The following HIP1 variants were observed in gnomAD, a reference collection of about 807,000 sequenced individuals.
HIP1 encodes huntingtin-interacting protein 1.
HIP1 carries 65 observed loss-of-function variants against 147.6 expected under a neutral mutation model. That is an observed-to-expected ratio of 0.44 (90% CI 0.36 to 0.54). The LOEUF (loss-of-function observed/expected upper bound fraction) is 0.54, where lower values mean the gene tolerates loss of function less well. Among genes scored for constraint, HIP1 ranks in the 20% least tolerant of loss-of-function variants. The probability of loss-of-function intolerance (pLI) is 0.00; values close to 1 mark genes in which losing one functional copy is unlikely to be tolerated. For synonymous variants in HIP1, 479 were observed against 504.0 expected, an observed-to-expected ratio of 0.95 and a Z score of 0.67; for missense variants, 1,061 against 1,299.6, an observed-to-expected ratio of 0.82 and a Z score of 2.82.
intron 1 of HIP1, among the ~76,000 whole-genome samples, chr7:75,683,051 C>T (rs556435384): frequency 1.8e-4 from 27 of 151,944 alleles, no homozygotes; most frequent in African/African-American, 5.5e-4. Flanking sequence ...GGTGCGATCT[C>T]GGCTCACTGC....
intron 1 of HIP1, among the ~76,000 whole-genome samples, chr7:75,621,254 G>C (rs1167177728): frequency 4.6e-5 from 7 of 151,988 alleles, no homozygotes; most frequent in African/African-American, 1.4e-4. Context: ...CACACCTGGG[G>C]GAAGAGTTCT....
intron 1 of HIP1, among the ~76,000 whole-genome samples, chr7:75,610,520 C>CT (rs1296389752): frequency 6.6e-6 from 1 of 151,266 alleles, no homozygotes; most frequent in Admixed American, 6.6e-5. Context: ...TTTTTTTTCT[C>CT]TTTTTTTGAA....
At chr7:75,612,232 C>T (rs1252518926) in intron 1 of HIP1, among the ~76,000 whole-genome samples, 4 of 152,138 alleles carry the variant, frequency 2.6e-5, no homozygotes, top group South Asian at 2.1e-4. Context: ...CAGAGGAGGC[C>T]GGGCACGGTG....
chr7:75,688,801 C>T (rs897542884), intron 1 of HIP1, among the ~76,000 whole-genome samples: 1 of 152,168 alleles, frequency 6.6e-6, no homozygotes, highest in Non-Finnish European at 1.5e-5. Context: ...AGAGTGGCCC[C>T]GTGGCCCCGG....
chr7:75,611,672 AG>A (rs1185834773), intron 1 of HIP1: 8 of 1,023,466 alleles, frequency 7.8e-6, no homozygotes, highest in Non-Finnish European at 9.4e-6. Flanking sequence ...TCACCTCTGG[AG>A]GGGGCTCTGG....
At chr7:75,557,141 A>C (rs926112100) in intron 16 of HIP1, among the ~76,000 whole-genome samples, 5 of 151,742 alleles carry the variant, frequency 3.3e-5, no homozygotes, top group Non-Finnish European at 7.4e-5. Context: ...AAGGTTCAAG[A>C]GATTCTTGTG....
At chr7:75,582,009 T>G (rs1796072386) in intron 6 of HIP1, 66 bp downstream of exon 6, 1 of 1,348,984 alleles carries the variant, frequency 7.4e-7, no homozygotes, top group African/African-American at 1.4e-5. Context: ...TCCATGACCC[T>G]TATGAGAAGT....
chr7:75,703,380 A>G (rs1800894201), intron 1 of HIP1, among the ~76,000 whole-genome samples: 1 of 152,142 alleles, frequency 6.6e-6, no homozygotes, highest in Non-Finnish European at 1.5e-5. Flanking sequence ...GCGGTGGTTC[A>G]TGCCTGTAAT....
At chr7:75,697,563 A>G (rs1232601144) in intron 1 of HIP1, among the ~76,000 whole-genome samples, 4 of 152,238 alleles carry the variant, frequency 2.6e-5, no homozygotes, top group African/African-American at 7.2e-5. Flanking sequence ...TAAAAGTTCC[A>G]AAATGTTGGG....
At chr7:75,673,812 T>G (rs1279077201) in intron 1 of HIP1, among the ~76,000 whole-genome samples, 1 of 72,376 alleles carries the variant, frequency 1.4e-5, no homozygotes, top group Non-Finnish European at 2.7e-5. Flanking sequence ...AGCAAAGCCC[T>G]ATCTCTACAA....
At chr7:75,691,319 GTC>G (rs1389128893) in intron 1 of HIP1, among the ~76,000 whole-genome samples, 5 of 150,104 alleles carry the variant, frequency 3.3e-5, no homozygotes, top group African/African-American at 9.8e-5. Context: ...TGAAACCCCT[GTC>G]TCTACTAAAA....
chr7:75,581,119 G>T, intron 7 of HIP1, 118 bp downstream of exon 7: 1 of 721,288 alleles, frequency 1.4e-6, no homozygotes, highest in Non-Finnish European at 2.4e-6. Flanking sequence ...GACCAGAGAT[G>T]GGGTGTGAAT....
At chr7:75,725,682 G>T (rs1348477847) in intron 1 of HIP1, among the ~76,000 whole-genome samples, 1 of 152,098 alleles carries the variant, frequency 6.6e-6, no homozygotes, top group Non-Finnish European at 1.5e-5. Context: ...ATTTTCATGG[G>T]TGTATAGTAT....
At position 75,643,998 on chromosome 7, in the gene HIP1, T is replaced by TCAAA. The variant is rs375114374; in HGVS notation, c.121-44755_121-44752dup. Among the ~76,000 whole-genome samples, 1,076 of 152,066 alleles carry TCAAA rather than the reference T, an allele frequency of 7.1e-3. 12 individuals carry two copies. The highest frequency in any genetic ancestry group is 0.023 in the African/African-American group (965 of 41,458). ...CTGGGTAACAAAGTAAGACTCTGTC[T>TCAAA]CAAACAAACAAACAAACAAACAAAA... On this transcript the variant is annotated intron_variant, in intron 1 of 30. Transcript: ENST00000336926.
intron 1 of HIP1, among the ~76,000 whole-genome samples, chr7:75,650,422 C>G (rs554934392): frequency 4.0e-5 from 6 of 149,836 alleles, no homozygotes; most frequent in Non-Finnish European, 8.9e-5. Flanking sequence ...CGCTGGAGGA[C>G]AAGTCCAGGG....
At chr7:75,583,188 T>C (rs1294436531) in intron 5 of HIP1, among the ~76,000 whole-genome samples, 1 of 152,060 alleles carries the variant, frequency 6.6e-6, no homozygotes, top group Non-Finnish European at 1.5e-5. Context: ...CTGCCTTTGC[T>C]TCCTGGCTCA....
At chr7:75,574,523 A>G (rs1001068128) in intron 7 of HIP1, among the ~76,000 whole-genome samples, 1 of 148,898 alleles carries the variant, frequency 6.7e-6, no homozygotes, top group African/African-American at 2.5e-5. Context: ...CAGGAGGCAG[A>G]GGTTGCAGTG....
chr7:75,623,282 G>A (rs1398658779), intron 1 of HIP1, among the ~76,000 whole-genome samples: 1 of 151,912 alleles, frequency 6.6e-6, no homozygotes, highest in Non-Finnish European at 1.5e-5. Context: ...GCTGGGAGCT[G>A]GAGGCAATGA....
chr7:75,692,916 G>A (rs1285294491), intron 1 of HIP1, among the ~76,000 whole-genome samples: 2 of 151,834 alleles, frequency 1.3e-5, no homozygotes, highest in Non-Finnish European at 2.9e-5. Flanking sequence ...TGTAATCCCA[G>A]CACTTTGGGA....
Sources: gnomAD v4.1 joint callset for allele counts (sites outside exome capture counted in the v4.1 genomes callset) on GRCh38, gnomAD v4.1.1 for gene constraint, MANE v1.5 for transcripts, NCBI Gene and HGNC (gene_info 2026-07-23, HGNC 2026-07-21) for gene names.